HIPK2: variants seen among roughly 807,000 people sequenced by gnomAD.
The protein encoded by HIPK2 is homeodomain interacting protein kinase 2.
A neutral mutation model predicts 113.7 loss-of-function variants in HIPK2; 27 were observed. The observed-to-expected ratio is 0.24, with a 90% CI of 0.17 to 0.33. The LOEUF is 0.33. Ranked by LOEUF, HIPK2 falls within the 10% of genes least tolerant of loss-of-function variation. The pLI is 1.00. For missense variants in HIPK2, 1,257 were observed against 1,588.0 expected, an observed-to-expected ratio of 0.79 and a Z score of 3.54; for synonymous variants, 631 against 642.2, an observed-to-expected ratio of 0.98 and a Z score of 0.26.
chr7:139,640,654 T>A (rs1489646302), intron 2 of HIPK2, among the ~76,000 whole-genome samples: 1 of 152,152 alleles, frequency 6.6e-6, no homozygotes. Context: ...CTTCCTTATT[T>A]TTTTTTTCTT....
At chr7:139,660,941 T>C (rs1801846703) in intron 2 of HIPK2, among the ~76,000 whole-genome samples, 1 of 151,588 alleles carries the variant, frequency 6.6e-6, no homozygotes, top group African/African-American at 2.4e-5. Flanking sequence ...AACACGCACG[T>C]GGATGTTCCC....
intron 2 of HIPK2, among the ~76,000 whole-genome samples, chr7:139,655,987 C>G (rs1336322913): frequency 6.6e-6 from 1 of 152,164 alleles, no homozygotes; most frequent in Non-Finnish European, 1.5e-5. Flanking sequence ...CATCCTCAGC[C>G]TTGCCTCTCT....
chr7:139,645,098 G>A (rs147212359), intron 2 of HIPK2, among the ~76,000 whole-genome samples: 4 of 152,324 alleles, frequency 2.6e-5, no homozygotes, highest in East Asian at 3.9e-4. Context: ...GAAGAAACAC[G>A]ATGCTTTCCT....
chr7:139,594,595 C>G (rs1799133438), intron 12 of HIPK2, among the ~76,000 whole-genome samples: 1 of 152,190 alleles, frequency 6.6e-6, no homozygotes, highest in East Asian at 1.9e-4. Flanking sequence ...TTCTTGAGTG[C>G]AAAGACATTT....
intron 1 of HIPK2, among the ~76,000 whole-genome samples, chr7:139,751,619 G>A (rs1449797241): frequency 1.3e-5 from 2 of 152,052 alleles, no homozygotes; most frequent in Non-Finnish European, 2.9e-5. Flanking sequence ...TGGATGGATG[G>A]ATGGATGGAT....
intron 2 of HIPK2, among the ~76,000 whole-genome samples, chr7:139,691,456 C>A (rs755598770): frequency 1.3e-5 from 2 of 152,246 alleles, no homozygotes; most frequent in Admixed American, 6.5e-5. Flanking sequence ...TTAAGTCTTG[C>A]TCTTTTGCAA....
chr7:139,655,766 T>C (rs996496901), intron 2 of HIPK2, among the ~76,000 whole-genome samples: 12 of 152,138 alleles, frequency 7.9e-5, no homozygotes, highest in African/African-American at 2.9e-4. Context: ...GTTATGATTT[T>C]AAAGGAAGGG....
chr7:139,746,532 T>A (rs1280969351), intron 1 of HIPK2, among the ~76,000 whole-genome samples: 2 of 152,200 alleles, frequency 1.3e-5, no homozygotes, highest in African/African-American at 4.8e-5. Context: ...AGAACTGGGC[T>A]TGGCACACTG....
At chr7:139,640,157 A>G (rs984357213) in intron 2 of HIPK2, among the ~76,000 whole-genome samples, 6 of 152,170 alleles carry the variant, frequency 3.9e-5, no homozygotes, top group African/African-American at 1.4e-4. Context: ...GTCAGACAAA[A>G]TCTGCACCTA....
chr7:139,709,670 TGTGGA>T (rs1273425830), intron 2 of HIPK2, among the ~76,000 whole-genome samples: 2 of 151,670 alleles, frequency 1.3e-5, no homozygotes, highest in African/African-American at 2.4e-5. Context: ...GATGGAGGAG[TGTGGA>T]CAGTCACAGC....
rs780109584 is a variant in HIPK2, at chr7:139,575,270, G to A, written c.2984C>T (p.Ser995Leu). ...SLVPVNTSHH[S>L]SSYKSKSSSN... is the part of the protein sequence containing the mutation. ...GGAGGACTTGGACTTGTAGGAGGAC[G>A]AGTGGTGACTGGTGTTGACTGTGGC... Residue 995 changes from serine (S) to leucine (L), a missense_variant, in exon 14 of 15, where the codon TCG becomes TTG. Coordinates refer to ENST00000406875, the MANE Select transcript of HIPK2 (RefSeq NM_022740.5). 3.2e-5 allele frequency: 51 copies of A among 1,573,448 alleles called. No homozygotes were observed. The highest frequency in any genetic ancestry group is 4.1e-5 in the Non-Finnish European group (48 of 1,159,430).
chr7:139,641,833 T>C (rs1216331788), intron 2 of HIPK2, among the ~76,000 whole-genome samples: 3 of 152,224 alleles, frequency 2.0e-5, no homozygotes, highest in Non-Finnish European at 4.4e-5. Flanking sequence ...TCACTGCCAC[T>C]CCGAACTTGG....
chr7:139,760,680 G>A (rs111945778), intron 1 of HIPK2, among the ~76,000 whole-genome samples: 67 of 152,264 alleles, frequency 4.4e-4, no homozygotes, highest in Non-Finnish European at 5.1e-4. Context: ...AATTACTAAG[G>A]AAAGTGAAAG....
intron 1 of HIPK2, among the ~76,000 whole-genome samples, chr7:139,724,478 T>C (rs1233588301): frequency 6.6e-6 from 1 of 152,194 alleles, no homozygotes; most frequent in African/African-American, 2.4e-5. Flanking sequence ...AAATATATAG[T>C]ATATTCCACC....
At chr7:139,620,636 GAAAACA>G (rs1391021213) in intron 6 of HIPK2, 73 bp from the exon 7 acceptor site, 1 of 1,546,456 alleles carries the variant, frequency 6.5e-7, no homozygotes, top group African/African-American at 1.4e-5. Context: ...ATGAAGGGGA[GAAAACA>G]AAGGAAAGGA....
intron 9 of HIPK2, among the ~76,000 whole-genome samples, chr7:139,611,672 T>A (rs1465765460): frequency 6.6e-6 from 1 of 151,968 alleles, no homozygotes; most frequent in African/African-American, 2.4e-5. Context: ...CTCCTGTGTA[T>A]CTGGGACTGC....
chr7:139,635,749 T>A (rs968239129), intron 2 of HIPK2, among the ~76,000 whole-genome samples: 1 of 151,426 alleles, frequency 6.6e-6, no homozygotes, highest in South Asian at 2.1e-4. Context: ...ACAACTCGAG[T>A]CGAATACAAA....
chr7:139,596,133 C>T (rs1799205063), intron 12 of HIPK2, among the ~76,000 whole-genome samples: 1 of 152,220 alleles, frequency 6.6e-6, no homozygotes, highest in East Asian at 1.9e-4. Flanking sequence ...GCTCTGGCGC[C>T]AGGGTTAGTA....
chr7:139,602,958 G>C (rs1799488037), intron 10 of HIPK2, among the ~76,000 whole-genome samples: 1 of 152,166 alleles, frequency 6.6e-6, no homozygotes, highest in Non-Finnish European at 1.5e-5. Context: ...TACATGGTTT[G>C]AGATGGAGTC....
Sources: allele counts gnomAD v4.1 joint callset (sites outside exome capture counted in the v4.1 genomes callset), GRCh38; gene constraint gnomAD v4.1.1; transcripts MANE v1.5; gene names NCBI Gene and HGNC (gene_info 2026-07-23, HGNC 2026-07-21).